IL3RA: variants seen among roughly 807,000 people sequenced by gnomAD.
IL3RA encodes the protein interleukin-3 receptor subunit alpha.
In IL3RA, 73 loss-of-function variants were observed where a neutral mutation model predicts 52.3. The ratio of observed to expected loss-of-function variants is 1.40; its 90% CI spans 1.16 to 1.70. The LOEUF is 1.70. IL3RA is among the 40% of genes most tolerant of loss of function. The pLI, the probability that IL3RA is intolerant of heterozygous loss-of-function variation, is 0.00. For synonymous variants in IL3RA, 260 were observed against 194.0 expected (o/e 1.34, Z -2.83); for missense variants, 664 against 504.4 (o/e 1.32, Z -3.03).
rs1316628503 is a variant in IL3RA at position 1,345,418 on chromosome X, C to T, written c.167C>T (p.Ala56Val). ...NVTDIECVKD[A>V]DYSMPAVNNS... ...ACCGATATCGAGTGTGTTAAAGACG[C>T]CGACTATTCTATGCCGGTAAATCAT... Residue 56 changes from alanine to valine, a missense_variant, in exon 3 of 12, where the codon GCC becomes GTC. Physicochemically the swap from Ala to Val is moderately conservative, Grantham distance 64 (BLOSUM62 0). Coordinates refer to ENST00000331035, the MANE Select transcript of IL3RA (RefSeq NM_002183.4). 35 of 1,600,146 alleles carry T rather than the reference C, an allele frequency of 2.2e-5. No individual in the cohort carries two copies. The highest frequency in any genetic ancestry group is 2.9e-5 in the Non-Finnish European group (34 of 1,170,242).
At chrX:1,354,695 G>T (rs1377504439) in intron 6 of IL3RA, among the ~76,000 whole-genome samples, 1 of 94,136 alleles carries the variant, frequency 1.1e-5, no homozygotes, top group Non-Finnish European at 2.3e-5. Context: ...AACAGGAGGG[G>T]GAGGAAGAGA....
At chrX:1,344,947 G>C (rs1304261628) in intron 2 of IL3RA, among the ~76,000 whole-genome samples, 3 of 150,066 alleles carry the variant, frequency 2.0e-5, no homozygotes, top group Non-Finnish European at 3.0e-5. Flanking sequence ...CGAATCATGA[G>C]GTCAGGAGAT....
intron 6 of IL3RA, among the ~76,000 whole-genome samples, chrX:1,354,213 C>G (rs1371431413): frequency 6.6e-6 from 1 of 152,126 alleles, no homozygotes; most frequent in African/African-American, 2.4e-5. Flanking sequence ...TAACTTCAGC[C>G]CACGCCAGTC....
chrX:1,339,762 G>A (rs146948930), intron 1 of IL3RA, among the ~76,000 whole-genome samples: 1,676 of 151,914 alleles, frequency 0.011, 36 homozygotes, highest in African/African-American at 0.038. Flanking sequence ...ACTGCACTCC[G>A]GCCTGGACAA....
chrX:1,344,477 A>C (rs1284071830), intron 2 of IL3RA, among the ~76,000 whole-genome samples: 1 of 151,848 alleles, frequency 6.6e-6, no homozygotes, highest in African/African-American at 2.4e-5. Context: ...ATGTTGTTTT[A>C]AGATTGTTGT....
chrX:1,376,668 G>T (rs1270723893), intron 9 of IL3RA, among the ~76,000 whole-genome samples: 1 of 148,522 alleles, frequency 6.7e-6, no homozygotes, highest in African/African-American at 2.5e-5. Context: ...CCAAGCCCAG[G>T]AGAGAGGCCT....
chrX:1,347,764 C>T lies in IL3RA; in HGVS notation c.184-667C>T, dbSNP rs1358970441. 4.8e-4 allele frequency among the ~76,000 whole-genome samples: 73 copies of T among 151,938 alleles called. 1 individual carries two copies. In the Middle Eastern group the frequency reaches 0.01, roughly 21 times the overall value. On this transcript the variant is annotated intron_variant, in intron 3 of 11. Transcript: ENST00000331035. The stretch of plus-strand genomic sequence containing the variant: ...TCTTTAGAAAAAAATTGTGGCCGGG[C>T]GCGGTGGCTCACGCCTGTCATCCCA...
chrX:1,378,364 G>A (rs1269593951), intron 9 of IL3RA, among the ~76,000 whole-genome samples: 2 of 152,110 alleles, frequency 1.3e-5, no homozygotes, highest in Admixed American at 6.6e-5. Flanking sequence ...GGCGCTCCCC[G>A]TGTCCCGAGC....
intron 3 of IL3RA, among the ~76,000 whole-genome samples, chrX:1,346,079 C>T (rs1368632723): frequency 6.6e-6 from 1 of 151,896 alleles, no homozygotes; most frequent in African/African-American, 2.4e-5. Flanking sequence ...CTTTGGGAGG[C>T]TGAGGCGGGC....
chrX:1,362,472 C>T (rs1372909495), intron 8 of IL3RA, among the ~76,000 whole-genome samples: 1 of 151,744 alleles, frequency 6.6e-6, no homozygotes, highest in Non-Finnish European at 1.5e-5. Context: ...TTCTATCTGT[C>T]TCTCTCTGTC....
At chrX:1,366,551 C>CG (rs2088064519) in intron 9 of IL3RA, among the ~76,000 whole-genome samples, 1 of 20,502 alleles carries the variant, frequency 4.9e-5, no homozygotes, top group African/African-American at 1.8e-4. Context: ...CGGGGTGAGC[C>CG]GGGTGCGCGG....
rs181681246 is a variant in IL3RA at position 1,360,582 on chromosome X, G to A, written c.759+1695G>A. Among the ~76,000 whole-genome samples, 135 of 151,906 alleles carry A rather than the reference G, an allele frequency of 8.9e-4. 1 individual carries two copies. Among genetic ancestry groups the A allele is most frequent in the Admixed American group, 3.3e-3 (50 of 15,198 alleles). ...TGCCCAGGCTGGAGTGCGATGGCAC[G>A]ATCTCGGCTCACTGCAACCTCCGCC... is the stretch of plus-strand genomic sequence containing the variant. On this transcript the variant is annotated intron_variant, in intron 8 of 11. Transcript: ENST00000331035.
At chrX:1,381,684 A>G (rs1429124216) in intron 11 of IL3RA, among the ~76,000 whole-genome samples, 1 of 151,418 alleles carries the variant, frequency 6.6e-6, no homozygotes, top group Non-Finnish European at 1.5e-5. Flanking sequence ...AGCTGGGACT[A>G]CAGGCACGCA....
chrX:1,348,053 G>GA (rs1419265401), intron 3 of IL3RA, among the ~76,000 whole-genome samples: 6 of 115,842 alleles, frequency 5.2e-5, no homozygotes, highest in Non-Finnish European at 1.1e-4. Context: ...AAAAAAAACA[G>GA]AAAAAAGTCT....
intron 4 of IL3RA, among the ~76,000 whole-genome samples, chrX:1,348,797 T>A (rs1468521354): frequency 6.8e-6 from 1 of 148,012 alleles, no homozygotes; most frequent in Admixed American, 6.8e-5. Context: ...CCTTCTTTCT[T>A]TTCTTCACTT....
rs372831582 is a variant in IL3RA, at chrX:1,348,215, T to C, written c.184-216T>C. Among the ~76,000 whole-genome samples, 12 of 149,896 alleles carry C rather than the reference T, an allele frequency of 8.0e-5. No individual in the cohort carries two copies. The South Asian group carries it at 2.3e-3, about 29-fold the overall frequency. ...AAATACTTTAAAAATTAGCTGGGCGTGGTGGCGGGCACCTGTAATCCCAGG... is the reference window on the plus strand; with the variant it reads ...AAATACTTTAAAAATTAGCTGGGCGCGGTGGCGGGCACCTGTAATCCCAGG... On this transcript the variant is annotated intron_variant, in intron 3 of 11. Transcript: ENST00000331035.
chrX:1,377,290 G>A (rs1439568269), intron 9 of IL3RA, among the ~76,000 whole-genome samples: 8 of 151,984 alleles, frequency 5.3e-5, no homozygotes, highest in African/African-American at 1.2e-4. Context: ...CGCCAGGCTG[G>A]AGTGCAGTGG....
intron 5 of IL3RA, 39 bp from the exon 6 acceptor site, chrX:1,352,282 TC>T (rs1363565714): frequency 6.2e-7 from 1 of 1,613,030 alleles, no homozygotes; most frequent in African/African-American, 1.3e-5. Flanking sequence ...GCGGGTGCCA[TC>T]GGCGTGGGGT....
At chrX:1,362,389 CTGTT>C (rs1402593565) in intron 8 of IL3RA, among the ~76,000 whole-genome samples, 8 of 147,750 alleles carry the variant, frequency 5.4e-5, no homozygotes, top group African/African-American at 1.3e-4. Context: ...TTGTCTCTGT[CTGTT>C]TCTGTTTTTC....
Sources: allele counts gnomAD v4.1 joint callset (sites outside exome capture counted in the v4.1 genomes callset), GRCh38; gene constraint gnomAD v4.1.1; transcripts MANE v1.5; gene names NCBI Gene and HGNC (gene_info 2026-07-23, HGNC 2026-07-21).